BBS9: variants seen among roughly 807,000 people sequenced by gnomAD.
BBS9 encodes the protein protein PTHB1.
Under a neutral mutation model 117.7 loss-of-function variants are expected in BBS9, and 89 were observed. The ratio of observed to expected loss-of-function variants is 0.76; its 90% confidence interval spans 0.64 to 0.90. The LOEUF (loss-of-function observed/expected upper bound fraction) is 0.90, where lower values mean the gene tolerates loss of function less well. BBS9 is among the 40% of genes least tolerant of loss of function. The probability of loss-of-function intolerance (pLI) is 0.00; values close to 1 mark genes in which losing one functional copy is unlikely to be tolerated. For synonymous variants in BBS9, 379 were observed against 370.9 expected (o/e 1.02, Z -0.25); for missense variants, 982 against 1,042.2 (o/e 0.94, Z 0.80).
chr7:33,329,072 G>A (rs1399354803), intron 9 of BBS9, among the ~76,000 whole-genome samples: 1 of 151,486 alleles, frequency 6.6e-6, no homozygotes, highest in African/African-American at 2.4e-5. Context: ...CCAGGCTGGA[G>A]TGCAGTGGCG....
At chr7:33,295,761 G>T (rs1320379837) in intron 9 of BBS9, among the ~76,000 whole-genome samples, 1 of 151,960 alleles carries the variant, frequency 6.6e-6, no homozygotes, top group African/African-American at 2.4e-5. Context: ...TTACTATACT[G>T]ACATCTGTTT....
At chr7:33,149,155 G>T (rs1269851433) in intron 2 of BBS9, among the ~76,000 whole-genome samples, 1 of 152,206 alleles carries the variant, frequency 6.6e-6, no homozygotes, top group Non-Finnish European at 1.5e-5. Context: ...AATTCAATGT[G>T]TAGAATAGAG....
intron 20 of BBS9, among the ~76,000 whole-genome samples, chr7:33,508,858 G>T (rs1476690379): frequency 6.6e-6 from 1 of 152,194 alleles, no homozygotes; most frequent in African/African-American, 2.4e-5. Context: ...ACCCAGAAGA[G>T]ATTGTGGTAT....
Position 33,533,604 on chromosome 7 carries a change from A to G in BBS9, c.2299-350A>G, listed in dbSNP as rs17170282. ...TAATCCTAGCAGCTTTACCCACCAG[A>G]TCATTAAACAGACGTGTGCCTGATA... On this transcript the variant is annotated intron_variant, in intron 20 of 22. Transcript: ENST00000242067. The G allele has an allele frequency of 0.04, 11,357 of 280,676 alleles. 357 individuals are homozygous for G. The highest frequency in any genetic ancestry group is 0.1 in the African/African-American group (4,676 of 46,342). The allele number at this position is 280,676 out of a possible 1,614,324, so 17.4% of individuals were successfully genotyped here. A position where few individuals can be genotyped will look rare whatever the true frequency, so the allele number is the denominator to read the frequency against.
intron 19 of BBS9, among the ~76,000 whole-genome samples, chr7:33,492,767 C>A (rs903725445): frequency 6.7e-6 from 1 of 148,744 alleles, no homozygotes; most frequent in Non-Finnish European, 1.5e-5. Context: ...ACTCACTTAA[C>A]CTGATAGCCG....
Position 33,381,320 on chromosome 7 carries a change from A to C in BBS9, c.1790-2346A>C, listed in dbSNP as rs757780836. 3.8e-4 allele frequency among the ~76,000 whole-genome samples: 58 copies of C among 152,184 alleles called. 1 individual carries two copies. The highest frequency in any genetic ancestry group is 5.1e-4 in the Non-Finnish European group (35 of 68,034). On this transcript the variant is annotated intron_variant, in intron 17 of 22. Coordinates refer to ENST00000242067, the MANE Select transcript of BBS9 (RefSeq NM_198428.3). ...ATGGCAGAAGAGTGATGGCAGAAGC[A>C]GTATTCAGTCTTCTGCTATCAGGCT...
At chr7:33,263,524 A>G (rs1484543935) in intron 6 of BBS9, among the ~76,000 whole-genome samples, 2 of 152,174 alleles carry the variant, frequency 1.3e-5, no homozygotes, top group Admixed American at 1.3e-4. Context: ...ATTGAATAAT[A>G]TTTATAAATT....
chr7:33,624,886 G>A (rs576867028), intron 21 of BBS9, among the ~76,000 whole-genome samples: 5 of 152,252 alleles, frequency 3.3e-5, no homozygotes, highest in Non-Finnish European at 5.9e-5. Flanking sequence ...GGCACATCTG[G>A]TCTGGTACAG....
At chr7:33,312,748 T>C (rs989313005) in intron 9 of BBS9, among the ~76,000 whole-genome samples, 3 of 152,224 alleles carry the variant, frequency 2.0e-5, no homozygotes, top group Admixed American at 6.5e-5. Context: ...TTACAAATTA[T>C]ACTTGTTCTT....
chr7:33,444,994 G>A (rs1836779110), intron 19 of BBS9, among the ~76,000 whole-genome samples: 1 of 152,174 alleles, frequency 6.6e-6, no homozygotes, highest in African/African-American at 2.4e-5. Context: ...GAAGTTGGGA[G>A]GGCAGAGTGC....
chr7:33,255,460 AC>A (rs1410032151), intron 5 of BBS9, among the ~76,000 whole-genome samples: 1 of 151,546 alleles, frequency 6.6e-6, no homozygotes, highest in Non-Finnish European at 1.5e-5. Context: ...TTAGCTGATA[AC>A]CTTGGAGCTC....
At chr7:33,315,761 A>G (rs78846367) in intron 9 of BBS9, among the ~76,000 whole-genome samples, 1,781 of 152,174 alleles carry the variant, frequency 0.012, 45 homozygotes, top group African/African-American at 0.041. Flanking sequence ...TTTTATGTGG[A>G]TATATATGTG....
intron 19 of BBS9, among the ~76,000 whole-genome samples, chr7:33,484,526 CA>C (rs1330426367): frequency 6.6e-6 from 1 of 151,954 alleles, no homozygotes; most frequent in East Asian, 1.9e-4. Context: ...CTGCAGCCAA[CA>C]AACAGGAAAA....
chr7:33,419,867 G>A (rs184619176), intron 19 of BBS9, among the ~76,000 whole-genome samples: 10 of 152,042 alleles, frequency 6.6e-5, no homozygotes, highest in Non-Finnish European at 1.2e-4. Flanking sequence ...AGCCTAGAGA[G>A]TTTACATCTT....
At chr7:33,483,587 T>C (rs886998614) in intron 19 of BBS9, among the ~76,000 whole-genome samples, 1 of 152,138 alleles carries the variant, frequency 6.6e-6, no homozygotes, top group Non-Finnish European at 1.5e-5. Context: ...CAGTATCACG[T>C]GATATTTTAT....
At chr7:33,405,636 G>A (rs1829793773) in intron 19 of BBS9, among the ~76,000 whole-genome samples, 1 of 152,168 alleles carries the variant, frequency 6.6e-6, no homozygotes, top group South Asian at 2.1e-4. Context: ...TTGCGTAGAG[G>A]TGTTTGTAGT....
At chr7:33,263,803 G>A (rs1236659034) in intron 6 of BBS9, among the ~76,000 whole-genome samples, 1 of 152,032 alleles carries the variant, frequency 6.6e-6, no homozygotes, top group East Asian at 1.9e-4. Flanking sequence ...TCTGTTTTAT[G>A]GATGGGGAAG....
intron 9 of BBS9, among the ~76,000 whole-genome samples, chr7:33,312,506 T>A (rs1809486656): frequency 6.6e-6 from 1 of 152,222 alleles, no homozygotes; most frequent in African/African-American, 2.4e-5. Flanking sequence ...GAAAATATAT[T>A]GATTTCCTCC....
intron 19 of BBS9, among the ~76,000 whole-genome samples, chr7:33,432,974 T>A (rs992901468): frequency 6.6e-6 from 1 of 152,144 alleles, no homozygotes; most frequent in Non-Finnish European, 1.5e-5. Context: ...CTGACATATA[T>A]GTGACTAAGA....
Sources: gnomAD v4.1 joint callset for allele counts (sites outside exome capture counted in the v4.1 genomes callset) on GRCh38, gnomAD v4.1.1 for gene constraint, MANE v1.5 for transcripts, NCBI Gene and HGNC (gene_info 2026-07-23, HGNC 2026-07-21) for gene names.